Variants in PEG3 observed in about 807,000 individuals in gnomAD.
PEG3 encodes the protein paternally-expressed gene 3 protein.
Under a neutral mutation model 35.5 loss-of-function variants are expected in PEG3, and 23 were observed. The ratio of observed to expected loss-of-function variants is 0.65; its 90% CI spans 0.47 to 0.92. The LOEUF (loss-of-function observed/expected upper bound fraction) is 0.92. PEG3 is among the 40% of genes least tolerant of loss of function. PEG3 has a pLI of 0.00. For missense variants in PEG3, 1,960 were observed against 1,985.3 expected (o/e 0.99, Z 0.24); for synonymous variants, 707 against 697.0 (o/e 1.01, Z -0.23).
rs2059639593 is a variant in PEG3, at chr19:56,812,950, G to T, written c.*725C>A. 2 of 985,626 alleles carry T rather than the reference G, an allele frequency of 2.0e-6. No homozygotes were observed. The highest frequency in any genetic ancestry group is 4.7e-5 in the South Asian group (1 of 21,288). 61.1% of individuals were successfully genotyped at this position (985,626 alleles called of 1,614,324 possible). ...TCCGTATATTGTAAAGCCTTACACA[G>T]TATTAGGTTCCAAAGTGTTGGCGCA... On this transcript the variant is annotated 3_prime_UTR_variant, in exon 10 of 10. Transcript: ENST00000326441.
intron 2 of PEG3, among the ~76,000 whole-genome samples, 197 bp downstream of exon 2, chr19:56,835,821 A>C (rs1049172204): frequency 1.3e-5 from 2 of 152,228 alleles, no homozygotes; most frequent in African/African-American, 4.8e-5. Flanking sequence ...GAGGATACTG[A>C]AATGGATGGT....
Position 56,812,832 on chromosome 19 carries a change from A to AC in PEG3, c.*842dup, listed in dbSNP as rs1288232152. 1.6e-5 allele frequency: 16 copies of AC among 983,114 alleles called. No individual in the cohort carries two copies. Among genetic ancestry groups the AC allele is most frequent in the Non-Finnish European group, 1.8e-5 (15 of 828,300 alleles). 60.9% of individuals were successfully genotyped at this position (983,114 alleles called of 1,614,324 possible). On this transcript the variant is annotated 3_prime_UTR_variant, in exon 10 of 10. Coordinates refer to ENST00000326441, the MANE Select transcript of PEG3 (RefSeq NM_006210.3). Reference sequence around the variant, plus strand: ...ATTGAGTTGGTTAAAAAAAAAAAAAACCCAGAACACAAATGTGTAATATTT... The same window carrying AC: ...ATTGAGTTGGTTAAAAAAAAAAAAAACCCCAGAACACAAATGTGTAATATTT...
Position 56,822,754 on chromosome 19 carries a change from G to C in PEG3, c.564C>G (p.Ser188Arg), listed in dbSNP as rs754877008. The C allele has an allele frequency of 6.2e-7, 1 of 1,614,066 alleles. No homozygotes were observed. Among genetic ancestry groups the C allele is most frequent in the Non-Finnish European group, 8.5e-7 (1 of 1,180,000 alleles). ...DRWSHTRNPR[S>R]RMPPRDLSLP... Reference sequence around the variant, plus strand: ...GGAAAGAAAGTGGTTAAGACTCACTGCTTCTTGGGTTCCTGGTGTGGGACC... The same window carrying C: ...GGAAAGAAAGTGGTTAAGACTCACTCCTTCTTGGGTTCCTGGTGTGGGACC... The change falls in exon 6 of 10, where the codon AGC (serine) becomes AGG (arginine). Residue 188 changes from serine (S) to arginine (R), a missense_variant and splice_region_variant. Ser to Arg is a moderately radical substitution (Grantham distance 110). Around this residue, in one of 5 missense-constraint regions of PEG3, gnomAD observed 613 missense variants for 577.1 expected, o/e 1.06. Coordinates refer to ENST00000326441, the MANE Select transcript of PEG3 (RefSeq NM_006210.3).
At chr19:56,838,933 A>G (rs1397022738) in intron 1 of PEG3, among the ~76,000 whole-genome samples, 1 of 152,126 alleles carries the variant, frequency 6.6e-6, no homozygotes, top group East Asian at 1.9e-4. Context: ...GCGGGGCTTG[A>G]ACAGACCGTC....
chr19:56,832,011 C>T (rs1181980534), intron 2 of PEG3, among the ~76,000 whole-genome samples: 1 of 152,072 alleles, frequency 6.6e-6, no homozygotes, highest in African/African-American at 2.4e-5. Context: ...AAACATATGG[C>T]AGTACATACA....
chr19:56,820,297 CA>C (rs1248530745), intron 7 of PEG3, among the ~76,000 whole-genome samples: 1 of 152,214 alleles, frequency 6.6e-6, no homozygotes, highest in Non-Finnish European at 1.5e-5. Context: ...TGTACACCTT[CA>C]AAATGTAATT....
At chr19:56,825,746 GA>G (rs1049486945) in intron 3 of PEG3, among the ~76,000 whole-genome samples, 5 of 151,402 alleles carry the variant, frequency 3.3e-5, no homozygotes, top group African/African-American at 9.7e-5. Context: ...TTCCAGAGAA[GA>G]AAAAAAACCA....
At chr19:56,834,922 G>GC (rs1467344350) in intron 2 of PEG3, among the ~76,000 whole-genome samples, 6 of 152,138 alleles carry the variant, frequency 3.9e-5, no homozygotes, top group Admixed American at 3.9e-4. Context: ...CCTGGATCAG[G>GC]CCCAGTATCA....
Position 56,818,710 on chromosome 19 carries a change from A to G in PEG3, c.670-8T>C. The G allele has an allele frequency of 1.2e-6, 2 of 1,614,112 alleles. No homozygotes were observed. The highest frequency in any genetic ancestry group is 1.7e-6 in the Non-Finnish European group (2 of 1,179,958). ...TTGGTATGATTCAGCATCCTAAAAC[A>G]GCAAACACAGACCTCTCAATGGAGT... On this transcript the variant is annotated splice_polypyrimidine_tract_variant and splice_region_variant and intron_variant, in intron 7 of 9. Transcript: ENST00000326441.
intron 2 of PEG3, among the ~76,000 whole-genome samples, chr19:56,828,813 T>C (rs1357453167): frequency 1.3e-5 from 2 of 152,114 alleles, no homozygotes; most frequent in Non-Finnish European, 1.5e-5. Flanking sequence ...ATCAAAGAAA[T>C]GTAAAATATT....
intron 1 of PEG3, among the ~76,000 whole-genome samples, chr19:56,838,470 C>A (rs1464126120): frequency 1.3e-5 from 2 of 152,144 alleles, no homozygotes; most frequent in East Asian, 3.9e-4. Context: ...CAGCCCTTAG[C>A]CCCGCCAGCA....
chr19:56,810,394 T>C lies in PEG3; in HGVS notation c.*3281A>G. On this transcript the variant is annotated 3_prime_UTR_variant, in exon 10 of 10. Coordinates refer to ENST00000326441, the MANE Select transcript of PEG3 (RefSeq NM_006210.3). Reference sequence around the variant, plus strand: ...CATAATCCCACAACAACCACACAACTATTTCTTGTTTTTCATCTTTCTTCC... The same window carrying C: ...CATAATCCCACAACAACCACACAACCATTTCTTGTTTTTCATCTTTCTTCC... The C allele has an allele frequency of 1.0e-6, 1 of 985,302 alleles. No homozygotes were observed. Among genetic ancestry groups the C allele is most frequent in the African/African-American group, 1.7e-5 (1 of 57,352 alleles). 61.0% of individuals were successfully genotyped at this position (985,302 alleles called of 1,614,324 possible). A position where few individuals can be genotyped will look rare whatever the true frequency, so the allele number is the denominator to read the frequency against.
chr19:56,811,622 A>G lies in PEG3; in HGVS notation c.*2053T>C, dbSNP rs2059547728. ...TACCACTGCCAACAATGTTAACACC[A>G]AGTAATGTACCCACAAAGTTCACCC... On this transcript the variant is annotated 3_prime_UTR_variant, in exon 10 of 10. Coordinates refer to ENST00000326441, the MANE Select transcript of PEG3 (RefSeq NM_006210.3). The G allele has an allele frequency of 9.1e-6, 9 of 985,336 alleles. No homozygotes were observed. Among genetic ancestry groups the G allele is most frequent in the Non-Finnish European group, 1.1e-5 (9 of 829,858 alleles). 61.0% of individuals were successfully genotyped at this position (985,336 alleles called of 1,614,324 possible).
intron 2 of PEG3, among the ~76,000 whole-genome samples, chr19:56,830,548 T>G (rs1021843974): frequency 2.6e-5 from 4 of 152,172 alleles, no homozygotes; most frequent in African/African-American, 9.7e-5. Context: ...GGGACAGCTA[T>G]ACCACAACTA....
intron 7 of PEG3, among the ~76,000 whole-genome samples, 194 bp downstream of exon 7, chr19:56,821,457 C>G (rs761244304): frequency 6.6e-6 from 1 of 152,160 alleles, no homozygotes; most frequent in Non-Finnish European, 1.5e-5. Context: ...ACCACATGAA[C>G]GACAAAGAAA....
At position 56,815,491 on chromosome 19, in the gene PEG3, A is replaced by G. The variant is rs1361196327; in HGVS notation, c.2951T>C (p.Leu984Pro). ...ATCATGAATCTTCTGGTGCTCAGTGAGGTCAGAGCTATGAGCAAAGCACTC... is the reference window on the plus strand; with the variant it reads ...ATCATGAATCTTCTGGTGCTCAGTGGGGTCAGAGCTATGAGCAAAGCACTC... ...CGECFAHSSDLTEHQKIHDRE... is the reference protein window; with the variant it reads ...CGECFAHSSDPTEHQKIHDRE... Residue 984 changes from leucine (L) to proline (P), a missense_variant, in exon 10 of 10, where the codon CTC (leucine) becomes CCC (proline). Leu to Pro is a moderately conservative substitution (Grantham distance 98). This residue lies in a region of PEG3 where 798 missense variants were observed against 782.4 expected (regional missense o/e 1.02). Coordinates refer to ENST00000326441, the MANE Select transcript of PEG3 (RefSeq NM_006210.3). 6.2e-7 allele frequency: 1 copy of G among 1,614,024 alleles called. No homozygotes were observed. Among genetic ancestry groups the G allele is most frequent in the Non-Finnish European group, 8.5e-7 (1 of 1,179,928 alleles).
At position 56,812,074 on chromosome 19, in the gene PEG3, T is replaced by TTTGCTTG. The variant is rs1188568457; in HGVS notation, c.*1594_*1600dup. 3.1e-6 allele frequency: 3 copies of TTTGCTTG among 982,792 alleles called. No homozygotes were observed. The highest frequency in any genetic ancestry group is 3.6e-6 in the Non-Finnish European group (3 of 827,930). 60.9% of individuals were successfully genotyped at this position (982,792 alleles called of 1,614,324 possible). On this transcript the variant is annotated 3_prime_UTR_variant, in exon 10 of 10. Coordinates refer to ENST00000326441, the MANE Select transcript of PEG3 (RefSeq NM_006210.3). ...CATTTCCCCCAGTGGGTACTTTAAT[T>TTTGCTTG]TTGCTTGTTCAAATGATCTACACTT...
intron 7 of PEG3, among the ~76,000 whole-genome samples, chr19:56,819,599 GA>G (rs2060287368): frequency 6.6e-6 from 1 of 152,178 alleles, no homozygotes. Context: ...CTGGGTCAAA[GA>G]AGGATTGCAC....
chr19:56,838,635 GC>G (rs1162388925), intron 1 of PEG3, among the ~76,000 whole-genome samples: 1 of 152,208 alleles, frequency 6.6e-6, no homozygotes, highest in Non-Finnish European at 1.5e-5. Flanking sequence ...CACAGCGAGC[GC>G]GGTGATAACC....
Sources: allele counts gnomAD v4.1 joint callset (sites outside exome capture counted in the v4.1 genomes callset), GRCh38; gene constraint gnomAD v4.1.1; regional missense constraint gnomAD v4.1.1; transcripts MANE v1.5; gene names NCBI Gene and HGNC (gene_info 2026-07-23, HGNC 2026-07-21).